The following HEATR5A variants were observed in gnomAD, a reference collection of about 807,000 sequenced individuals.
HEATR5A encodes HEAT repeat-containing protein 5A.
HEATR5A carries 178 observed loss-of-function variants against 218.8 expected under a neutral mutation model. That is an observed-to-expected ratio of 0.81 (90% CI 0.72 to 0.92). The LOEUF is 0.92. Ranked by LOEUF, HEATR5A falls within the 40% of genes least tolerant of loss-of-function variation. The pLI, the probability that HEATR5A is intolerant of heterozygous loss-of-function variation, is 0.00. For missense variants in HEATR5A, 2,420 were observed against 2,418.9 expected (o/e 1.00, Z -0.01); for synonymous variants, 864 against 871.6 (o/e 0.99, Z 0.15).
rs1899097456 is a variant in HEATR5A at position 31,293,998 on chromosome 14, A to C, written c.5726T>G (p.Leu1909Arg). 3.1e-6 allele frequency: 5 copies of C among 1,605,794 alleles called. No individual in the cohort carries two copies. Among genetic ancestry groups the C allele is most frequent in the Non-Finnish European group, 4.3e-6 (5 of 1,175,910 alleles). ...YSLASCIMEK[L>R]QEIDKRKPEN... is the part of the protein sequence containing the mutation. ...AGGTTTTCTCTTGTCTATTTCCTGCAGTTTTTCCATGATACAGGATGCTAA... is the reference window on the plus strand; with the variant it reads ...AGGTTTTCTCTTGTCTATTTCCTGCCGTTTTTCCATGATACAGGATGCTAA... Residue 1909 changes from leucine to arginine, a missense_variant, in exon 35 of 36, where the codon CTG (leucine) becomes CGG (arginine). Coordinates refer to ENST00000543095, the MANE Select transcript of HEATR5A (RefSeq NM_015473.4).
intron 33 of HEATR5A, chr14:31,296,915 G>C (rs1237456863): frequency 6.6e-6 from 1 of 152,192 alleles, no homozygotes; most frequent in Non-Finnish European, 1.5e-5. Context: ...TAGGCACAGA[G>C]AATACATCTT....
rs745363605 is a variant in HEATR5A at position 31,386,506 on chromosome 14, A to G, written c.1259T>C (p.Met420Thr). The G allele has an allele frequency of 4.3e-6, 7 of 1,612,284 alleles. No homozygotes were observed. Among genetic ancestry groups the G allele is most frequent in the South Asian group, 3.3e-5 (3 of 90,616 alleles). The change falls in exon 9 of 36, where the codon ATG becomes ACG. Residue 420 changes from methionine to threonine, a missense_variant. Met to Thr is a moderately conservative substitution (Grantham distance 81, BLOSUM62 -1). Transcript: ENST00000543095. ...AAGTTCTTGTAAAGCACAAACCAGC[A>G]TATGTTGGCTAGCGGCTACATCTGT... ...GSTDVAASQH[M>T]LVCALQELGN...
At chr14:31,363,667 A>T (rs67955375) in intron 14 of HEATR5A, among the ~76,000 whole-genome samples, 5,319 of 128,776 alleles carry the variant, frequency 0.041, 151 homozygotes, top group Non-Finnish European at 0.059. Flanking sequence ...GCCTGGCCTT[A>T]AGAAGGAGGT....
intron 14 of HEATR5A, among the ~76,000 whole-genome samples, chr14:31,362,606 C>CAAAAAAAAAAAAA (rs71115003): frequency 1.3e-4 from 6 of 44,750 alleles, no homozygotes; most frequent in Non-Finnish European, 1.8e-4. Flanking sequence ...CTACAAATGA[C>CAAAAAAAAAAAAA]AAAAAAAAAA....
At chr14:31,312,264 T>C (rs1213645010) in intron 28 of HEATR5A, among the ~76,000 whole-genome samples, 1 of 152,172 alleles carries the variant, frequency 6.6e-6, no homozygotes, top group Non-Finnish European at 1.5e-5. Flanking sequence ...TATGACTACA[T>C]TATTTATGGA....
At chr14:31,407,222 T>C (rs1464423118) in intron 1 of HEATR5A, among the ~76,000 whole-genome samples, 1 of 152,022 alleles carries the variant, frequency 6.6e-6, no homozygotes, top group Non-Finnish European at 1.5e-5. Context: ...GCCCAGGAGG[T>C]TGAGGCAACA....
intron 19 of HEATR5A, among the ~76,000 whole-genome samples, chr14:31,345,905 T>G (rs934684079): frequency 2.2e-5 from 3 of 136,952 alleles, no homozygotes; most frequent in South Asian, 2.2e-4. Context: ...CGCACACACA[T>G]GCACACACGC....
At chr14:31,316,126 AC>A (rs1193322914) in intron 26 of HEATR5A, among the ~76,000 whole-genome samples, 177 bp from the exon 27 acceptor site, 6 of 152,124 alleles carry the variant, frequency 3.9e-5, no homozygotes, top group Non-Finnish European at 8.8e-5. Flanking sequence ...AAAAGAAAAT[AC>A]AAAAATTAGC....
chr14:31,375,811 T>A (rs1389425968), intron 11 of HEATR5A, among the ~76,000 whole-genome samples: 2 of 152,186 alleles, frequency 1.3e-5, no homozygotes, highest in Non-Finnish European at 2.9e-5. Flanking sequence ...AGAGCAACAT[T>A]TATGAATTGA....
At chr14:31,313,807 G>GT (rs1899832349) in intron 27 of HEATR5A, among the ~76,000 whole-genome samples, 1 of 152,114 alleles carries the variant, frequency 6.6e-6, no homozygotes, top group Non-Finnish European at 1.5e-5. Context: ...ACATTAATGT[G>GT]TTTGATTATA....
In HEATR5A at chr14:31,379,558, T is replaced by C. The variant is rs184213288; in HGVS notation, c.1708+909A>G. On this transcript the variant is annotated intron_variant, in intron 11 of 35. Coordinates refer to ENST00000543095, the MANE Select transcript of HEATR5A (RefSeq NM_015473.4). ...AGCCACCATGCCCAGCCTCAGCCAGTTGTTTTATATCTAGCTATAACTTGT... is the reference window on the plus strand; with the variant it reads ...AGCCACCATGCCCAGCCTCAGCCAGCTGTTTTATATCTAGCTATAACTTGT... Among the ~76,000 whole-genome samples the C allele has an allele frequency of 6.3e-3, 965 of 152,330 alleles. 13 individuals carry two copies. Among genetic ancestry groups the C allele is most frequent in the African/African-American group, 0.022 (903 of 41,572 alleles).
chr14:31,309,157 A>G lies in HEATR5A; in HGVS notation c.4467T>C (p.Thr1489=), dbSNP rs748931870. The change falls in exon 29 of 36, where the codon ACT becomes ACC. Residue 1489 remains threonine, a synonymous_variant. Transcript: ENST00000543095. The stretch of plus-strand genomic sequence containing the variant: ...AATAATGCAATTTTGCATTTTCACT[A>G]GTCTCTGCTGTGTAGAAAGCACCAC... The part of the protein sequence containing the change: ...AEGGAFYTAE[T]SENAKLHYYN... 6.2e-7 allele frequency: 1 copy of G among 1,613,944 alleles called. No homozygotes were observed. The highest frequency in any genetic ancestry group is 1.7e-5 in the Admixed American group (1 of 60,026).
chr14:31,309,350 A>C (rs1021692819), intron 28 of HEATR5A, among the ~76,000 whole-genome samples, 168 bp from the exon 29 acceptor site: 6 of 152,206 alleles, frequency 3.9e-5, no homozygotes, highest in African/African-American at 1.4e-4. Context: ...TTATCAGCAC[A>C]GATTAGTTCT....
chr14:31,348,622 A>T (rs147629833), intron 18 of HEATR5A, among the ~76,000 whole-genome samples: 1 of 152,290 alleles, frequency 6.6e-6, no homozygotes, highest in East Asian at 1.9e-4. Flanking sequence ...GTTAATGTTT[A>T]TTAGGAATTT....
chr14:31,362,244 T>C (rs1229166500), intron 14 of HEATR5A, among the ~76,000 whole-genome samples: 1 of 152,034 alleles, frequency 6.6e-6, no homozygotes, highest in African/African-American at 2.4e-5. Context: ...GCTGGGATTA[T>C]AGATGTGAGC....
In HEATR5A at chr14:31,344,268, CTTTTTTTTTTTTTT is replaced by C. The variant is rs577497140; in HGVS notation, c.3059-217_3059-204del. 4.9e-4 allele frequency among the ~76,000 whole-genome samples: 25 copies of C among 50,832 alleles called. 1 individual carries two copies. The South Asian group carries it at 6.7e-3, about 14-fold the overall frequency. The allele number at this position is 50,832 out of a possible 152,430, so 33.3% of individuals were successfully genotyped here. A position where few individuals can be genotyped will look rare whatever the true frequency, so the allele number is the denominator to read the frequency against. ...GTTACAGATTGTTAGATTAGTTATTCTTTTTTTTTTTTTTTTTTTTTTTTTTTGAGACAGAGTCT... is the reference window on the plus strand; with the variant it reads ...GTTACAGATTGTTAGATTAGTTATTCTTTTTTTTTTTTTGAGACAGAGTCT... On this transcript the variant is annotated intron_variant, in intron 20 of 35. Transcript: ENST00000543095.
At chr14:31,312,672 C>T (rs931529990) in intron 28 of HEATR5A, among the ~76,000 whole-genome samples, 2 of 152,076 alleles carry the variant, frequency 1.3e-5, no homozygotes, top group African/African-American at 4.8e-5. Context: ...CTCAGCTTCC[C>T]GAACTGCTGG....
intron 21 of HEATR5A, among the ~76,000 whole-genome samples, chr14:31,339,223 G>A (rs1384039695): frequency 6.6e-6 from 1 of 151,704 alleles, no homozygotes; most frequent in Non-Finnish European, 1.5e-5. Context: ...GCCGAGGCAG[G>A]TGGATCACTT....
intron 26 of HEATR5A, among the ~76,000 whole-genome samples, chr14:31,316,426 AAGG>A: frequency 6.6e-6 from 1 of 152,202 alleles, no homozygotes; most frequent in East Asian, 1.9e-4. Flanking sequence ...AATCCTATGG[AAGG>A]AGACTGATAA....
Sources: allele counts gnomAD v4.1 joint callset (sites outside exome capture counted in the v4.1 genomes callset), GRCh38; gene constraint gnomAD v4.1.1; transcripts MANE v1.5; gene names NCBI Gene and HGNC (gene_info 2026-07-23, HGNC 2026-07-21).